EPHA5: variants seen among roughly 807,000 people sequenced by gnomAD.
EPHA5 encodes the protein EPH receptor A5, also known as ephrin type-A receptor 5.
EPHA5 carries 60 observed loss-of-function variants against 105.0 expected under a neutral mutation model. The ratio of observed to expected loss-of-function variants is 0.57; its 90% CI spans 0.46 to 0.71. The LOEUF is 0.71. EPHA5 is among the 30% of genes least tolerant of loss of function. The probability of loss-of-function intolerance (pLI) is 0.00; values close to 1 mark genes in which losing one functional copy is unlikely to be tolerated. For synonymous variants in EPHA5, 513 were observed against 449.1 expected (o/e 1.14, Z -1.80); for missense variants, 1,218 against 1,274.7 (o/e 0.96, Z 0.68).
intron 2 of EPHA5, among the ~76,000 whole-genome samples, chr4:65,631,729 AAAGT>A (rs199502615): frequency 0.25 from 33,942 of 138,430 alleles, 4,749 homozygotes; most frequent in Middle Eastern, 0.42. Flanking sequence ...CCTAAAACTT[AAAGT>A]ATAATAATAA....
At chr4:65,573,081 A>G (rs1740378517) in intron 3 of EPHA5, among the ~76,000 whole-genome samples, 1 of 151,792 alleles carries the variant, frequency 6.6e-6, no homozygotes, top group Non-Finnish European at 1.5e-5. Flanking sequence ...ATAATTCTGG[A>G]AGTTATGTTT....
intron 3 of EPHA5, among the ~76,000 whole-genome samples, chr4:65,505,543 T>C (rs540381937): frequency 6.6e-6 from 1 of 152,096 alleles, no homozygotes; most frequent in East Asian, 1.9e-4. Context: ...CACCTTATTT[T>C]ACCATGCCTT....
At chr4:65,421,142 T>C (rs955535201) in intron 5 of EPHA5, among the ~76,000 whole-genome samples, 1 of 152,084 alleles carries the variant, frequency 6.6e-6, no homozygotes, top group Non-Finnish European at 1.5e-5. Flanking sequence ...ATATATTTCC[T>C]TAGAAATCAT....
At chr4:65,650,704 CTG>C (rs1212622232) in intron 1 of EPHA5, among the ~76,000 whole-genome samples, 1 of 152,110 alleles carries the variant, frequency 6.6e-6, no homozygotes, top group African/African-American at 2.4e-5. Flanking sequence ...ATCACCTGCT[CTG>C]TTTCATTCCA....
chr4:65,346,805 C>A (rs139250980), intron 14 of EPHA5, among the ~76,000 whole-genome samples: 10,087 of 152,140 alleles, frequency 0.066, 417 homozygotes, highest in Admixed American at 0.13. Context: ...ACAACCCCAT[C>A]AAAAAATGGG....
chr4:65,648,395 A>C (rs1342318395), intron 1 of EPHA5, among the ~76,000 whole-genome samples: 1 of 152,226 alleles, frequency 6.6e-6, no homozygotes, highest in East Asian at 1.9e-4. Flanking sequence ...AAGTGTTTTC[A>C]GACTTTGAAG....
intron 3 of EPHA5, among the ~76,000 whole-genome samples, chr4:65,598,978 AG>A (rs1451208232): frequency 6.6e-6 from 1 of 152,204 alleles, no homozygotes; most frequent in East Asian, 1.9e-4. Flanking sequence ...GGGAGGTTTC[AG>A]GGGTAGGATG....
intron 3 of EPHA5, among the ~76,000 whole-genome samples, chr4:65,496,667 G>T (rs1415477819): frequency 6.6e-6 from 1 of 151,662 alleles, no homozygotes; most frequent in Non-Finnish European, 1.5e-5. Context: ...CTTTGCTATT[G>T]TGAATAATGC....
intron 3 of EPHA5, among the ~76,000 whole-genome samples, chr4:65,510,031 CTTTT>C (rs11300558): frequency 3.6e-4 from 43 of 119,400 alleles, no homozygotes; most frequent in Non-Finnish European, 5.1e-4. Flanking sequence ...ATACATACTT[CTTTT>C]TTTTTTTTTT....
At chr4:65,575,034 G>C (rs904409933) in intron 3 of EPHA5, among the ~76,000 whole-genome samples, 2 of 151,728 alleles carry the variant, frequency 1.3e-5, no homozygotes, top group Admixed American at 6.6e-5. Context: ...AATGAAGTAA[G>C]TTTTAAATTG....
rs1357571153 is a variant in EPHA5 at position 65,365,214 on chromosome 4, G to A, written c.1988-12C>T. 6.2e-7 allele frequency: 1 copy of A among 1,603,490 alleles called. No homozygotes were observed. On this transcript the variant is annotated splice_polypyrimidine_tract_variant and intron_variant, in intron 10 of 16. Transcript: ENST00000613740. ...TTCACCAAATTCACCTTGTGATAAAGATGAAAAAAATGCAAAAACTCATTT... is the reference window on the plus strand; with the variant it reads ...TTCACCAAATTCACCTTGTGATAAAAATGAAAAAAATGCAAAAACTCATTT...
At chr4:65,639,506 A>G (rs1747451649) in intron 2 of EPHA5, among the ~76,000 whole-genome samples, 1 of 152,164 alleles carries the variant, frequency 6.6e-6, no homozygotes, top group African/African-American at 2.4e-5. Flanking sequence ...GACTCTTGCT[A>G]CTTTTGAAAT....
chr4:65,636,897 C>T (rs757014293), intron 2 of EPHA5, among the ~76,000 whole-genome samples: 1 of 152,022 alleles, frequency 6.6e-6, no homozygotes, highest in Non-Finnish European at 1.5e-5. Context: ...ACTGCTGTAG[C>T]CCCAGTGCCT....
intron 4 of EPHA5, 103 bp downstream of exon 4, chr4:65,495,285 C>A: frequency 8.1e-7 from 1 of 1,229,674 alleles, no homozygotes; most frequent in Non-Finnish European, 1.1e-6. Context: ...AACATTATGT[C>A]TGTTTTAGGG....
intron 3 of EPHA5, among the ~76,000 whole-genome samples, chr4:65,539,806 C>T (rs1736645255): frequency 6.6e-6 from 1 of 151,446 alleles, no homozygotes; most frequent in African/African-American, 2.4e-5. Context: ...GTGTTGATAT[C>T]ACCTTATTTC....
chr4:65,349,246 G>A (rs183793069), intron 13 of EPHA5, among the ~76,000 whole-genome samples: 1 of 152,080 alleles, frequency 6.6e-6, no homozygotes, highest in Admixed American at 6.6e-5. Context: ...AGAGGAGGGT[G>A]TCTTGTTTGA....
chr4:65,533,368 T>A (rs1465884569), intron 3 of EPHA5, among the ~76,000 whole-genome samples: 1 of 152,208 alleles, frequency 6.6e-6, no homozygotes, highest in African/African-American at 2.4e-5. Context: ...CTAGGCAGGA[T>A]AAATATTATT....
At chr4:65,599,348 AACACAC>A (rs71657190) in intron 3 of EPHA5, among the ~76,000 whole-genome samples, 10 of 148,550 alleles carry the variant, frequency 6.7e-5, no homozygotes, top group South Asian at 4.3e-4. Context: ...GGCATTTTAT[AACACAC>A]ACACACACAC....
rs80230921 is a variant in EPHA5 at position 65,518,723 on chromosome 4, G to A, written c.911-23180C>T. On this transcript the variant is annotated intron_variant, in intron 3 of 16. Transcript: ENST00000613740. Reference sequence around the variant, plus strand: ...CTTCTGAAGAGGGGATACATTTCAGGTATTTTTGAAAATAAGAGCAAAGGA... The same window carrying A: ...CTTCTGAAGAGGGGATACATTTCAGATATTTTTGAAAATAAGAGCAAAGGA... Among the ~76,000 whole-genome samples the A allele has an allele frequency of 2.1e-3, 323 of 152,042 alleles. 1 individual carries two copies. The highest frequency in any genetic ancestry group is 7.1e-3 in the African/African-American group (296 of 41,508).
Sources: allele counts gnomAD v4.1 joint callset (sites outside exome capture counted in the v4.1 genomes callset), GRCh38; gene constraint gnomAD v4.1.1; transcripts MANE v1.5; gene names NCBI Gene and HGNC (gene_info 2026-07-23, HGNC 2026-07-21).